RSF1: variants seen among roughly 807,000 people sequenced by gnomAD.
RSF1 encodes remodeling and spacing factor 1, also known as HBV pX-associated protein 8.
Under a neutral mutation model 145.2 loss-of-function variants are expected in RSF1, and 13 were observed. The ratio of observed to expected loss-of-function variants is 0.09; its 90% confidence interval spans 0.06 to 0.14. The LOEUF is 0.14. RSF1 is among the 10% of genes least tolerant of loss of function. The pLI is 1.00. For synonymous variants in RSF1, 577 were observed against 592.6 expected, an observed-to-expected ratio of 0.97 and a Z score of 0.38; for missense variants, 1,517 against 1,718.2, an observed-to-expected ratio of 0.88 and a Z score of 2.07.
At chr11:77,841,735 C>T in the RSF1 span, among the ~76,000 whole-genome samples, 1 of 152,132 alleles carries the variant, frequency 6.6e-6, no homozygotes, top group Admixed American at 6.6e-5. Context: ...TTATAAAGCC[C>T]CCTGTGGCTG....
At chr11:77,749,717 ATTTGT>A (rs1281740078) in intron 2 of RSF1, among the ~76,000 whole-genome samples, 3 of 152,196 alleles carry the variant, frequency 2.0e-5, no homozygotes, top group African/African-American at 7.2e-5. Flanking sequence ...TTTAGGGTAC[ATTTGT>A]TTTGCAGATT....
At chr11:77,683,207 C>G (rs1216566371) in intron 11 of RSF1, among the ~76,000 whole-genome samples, 1 of 152,150 alleles carries the variant, frequency 6.6e-6, no homozygotes, top group Non-Finnish European at 1.5e-5. Flanking sequence ...ACGAGAATCG[C>G]TTGAACCCGA....
At chr11:77,764,535 A>G (rs762504024) in intron 2 of RSF1, 63 bp downstream of exon 2, 6 of 930,148 alleles carry the variant, frequency 6.5e-6, no homozygotes, top group South Asian at 5.8e-5. Context: ...ATAAAACATA[A>G]TATCAATTTA....
At chr11:77,795,368 A>C (rs1948562017) in intron 1 of RSF1, among the ~76,000 whole-genome samples, 1 of 152,344 alleles carries the variant, frequency 6.6e-6, no homozygotes, top group East Asian at 1.9e-4. Flanking sequence ...AAACAAACAA[A>C]AAAACCCTGC....
At chr11:77,797,222 A>C (rs1948581416) in intron 1 of RSF1, among the ~76,000 whole-genome samples, 1 of 152,240 alleles carries the variant, frequency 6.6e-6, no homozygotes, top group Non-Finnish European at 1.5e-5. Context: ...GGGCAAGAAG[A>C]ACAAAGCTGG....
chr11:77,697,299 A>G (rs952890137), intron 7 of RSF1, among the ~76,000 whole-genome samples: 1 of 151,870 alleles, frequency 6.6e-6, no homozygotes, highest in Non-Finnish European at 1.5e-5. Flanking sequence ...AGGTAGAAAC[A>G]TCTTTCTTTA....
chr11:77,867,425 T>G, the RSF1 span, among the ~76,000 whole-genome samples: 17 of 152,196 alleles, frequency 1.1e-4, no homozygotes, highest in Admixed American at 5.2e-4. Flanking sequence ...CAACTCCATT[T>G]CTTCTCATCC....
the RSF1 span, among the ~76,000 whole-genome samples, chr11:77,837,615 T>C: frequency 6.6e-6 from 1 of 152,226 alleles, no homozygotes; most frequent in South Asian, 2.1e-4. Context: ...TTTGTATTTT[T>C]AGTAGAGACA....
chr11:77,671,893 C>CA (rs1352060327), intron 15 of RSF1, 149 bp downstream of exon 15: 2 of 659,304 alleles, frequency 3.0e-6, no homozygotes, highest in Non-Finnish European at 4.8e-6. Context: ...CCTGGCCTCC[C>CA]AAACTGCCGG....
At chr11:77,824,143 A>C (rs2136027477), upstream of RSF1, among the ~76,000 whole-genome samples, 1 of 152,364 alleles carries the variant, frequency 6.6e-6, no homozygotes, top group South Asian at 2.1e-4. Context: ...TGTTCTTGAA[A>C]ATAAATGACA....
At chr11:77,842,627 A>G in the RSF1 span, 1 of 1,613,766 alleles carries the variant, frequency 6.2e-7, no homozygotes, top group Non-Finnish European at 8.5e-7. Flanking sequence ...ACAGGAACTG[A>G]GGTAAGATAT....
intron 11 of RSF1, among the ~76,000 whole-genome samples, chr11:77,682,337 T>C (rs1416689736): frequency 6.6e-6 from 1 of 152,198 alleles, no homozygotes; most frequent in African/African-American, 2.4e-5. Context: ...ACTGTTTTCC[T>C]TTTCCAGTTA....
At chr11:77,728,727 T>C (rs759657912) in intron 4 of RSF1, among the ~76,000 whole-genome samples, 2 of 151,968 alleles carry the variant, frequency 1.3e-5, no homozygotes, top group Non-Finnish European at 2.9e-5. Context: ...ATAGACAAAT[T>C]ATAGACACAG....
chr11:77,814,745 G>A (rs192818771), intron 1 of RSF1, among the ~76,000 whole-genome samples: 66 of 152,160 alleles, frequency 4.3e-4, no homozygotes, highest in Non-Finnish European at 7.8e-4. Context: ...GTGCCCAGCC[G>A]AAAAAATACA....
intron 2 of RSF1, chr11:77,762,249 A>G (rs1044810182): frequency 6.6e-6 from 1 of 151,850 alleles, no homozygotes; most frequent in African/African-American, 2.4e-5. Context: ...CCTGTCTACT[A>G]CGGATGAATG....
At chr11:77,790,312 T>G (rs1948504144) in intron 1 of RSF1, among the ~76,000 whole-genome samples, 1 of 152,078 alleles carries the variant, frequency 6.6e-6, no homozygotes, top group African/African-American at 2.4e-5. Context: ...CTATCAACTC[T>G]CATGAGACTT....
the RSF1 span, among the ~76,000 whole-genome samples, chr11:77,862,368 TA>T: frequency 6.6e-6 from 1 of 152,228 alleles, no homozygotes; most frequent in African/African-American, 2.4e-5. Flanking sequence ...CTAACCCTTG[TA>T]AAACATCAAT....
chr11:77,825,568 C>A (rs1249784609), upstream of RSF1, among the ~76,000 whole-genome samples: 3 of 152,048 alleles, frequency 2.0e-5, no homozygotes, highest in Admixed American at 2.0e-4. Context: ...TAAAAGGAAG[C>A]CCTAATACAA....
Position 77,820,688 on chromosome 11 carries a change from C to G in RSF1, c.27G>C (p.Ala9=), listed in dbSNP as rs754754871. 10 of 1,551,922 alleles carry G rather than the reference C, an allele frequency of 6.4e-6. No homozygotes were observed. Among genetic ancestry groups the G allele is most frequent in the Non-Finnish European group, 8.7e-6 (10 of 1,149,250 alleles). The change falls in exon 1 of 16, where the codon GCG becomes GCC. Residue 9 remains alanine (A), a synonymous_variant. Transcript: ENST00000308488. MATAAAAA[A]VMAPPGCPGS... is the part of the protein sequence containing the mutation. Reference sequence around the variant, plus strand: ...CCGGGCAGCCCGGAGGAGCCATCACCGCCGCCGCTGCCGCCGCCGTCGCCA... The same window carrying G: ...CCGGGCAGCCCGGAGGAGCCATCACGGCCGCCGCTGCCGCCGCCGTCGCCA...
Sources: allele counts gnomAD v4.1 joint callset (sites outside exome capture counted in the v4.1 genomes callset), GRCh38; gene constraint gnomAD v4.1.1; transcripts MANE v1.5; gene names NCBI Gene and HGNC (gene_info 2026-07-23, HGNC 2026-07-21).